The following HCAR3 variants were observed in gnomAD, a reference collection of about 807,000 sequenced individuals.
HCAR3 encodes the protein hydroxycarboxylic acid receptor 3, also known as G-protein coupled receptor 109B.
For missense variants in HCAR3, 404 were observed against 501.2 expected, an observed-to-expected ratio of 0.81 and a Z score of 1.85; for synonymous variants, 167 against 201.0, an observed-to-expected ratio of 0.83 and a Z score of 1.43.
rs770063396 is a variant in HCAR3 at position 122,716,505 on chromosome 12, A to T, written c.233T>A (p.Ile78Asn). 5 of 1,614,040 alleles carry T rather than the reference A, an allele frequency of 3.1e-6. No homozygotes were observed. The highest frequency in any genetic ancestry group is 1.1e-5 in the South Asian group (1 of 91,088). ...GTAGTCCATCACGAACGGCAGGCAG[A>T]TGATCAGTAGAAAGTCAGCTACTGC... The part of the protein sequence containing the change: ...NLAVADFLLI[I>N]CLPFVMDYYV... Residue 78 changes from isoleucine to asparagine, a missense_variant, in exon 1 of 1, where the codon ATC becomes AAC. By Grantham distance (149) the Ile-to-Asn change is moderately radical. Coordinates refer to ENST00000528880, the MANE Select transcript of HCAR3 (RefSeq NM_006018.3).
In HCAR3 at chr12:122,715,742, T is replaced by C; in HGVS notation, c.996A>G (p.Thr332=). ...DNNRSTSVEL[T]GDPNKTRGAP... ...CGCCTCTGGTTTTGTTGGGGTCCCC[T>C]GTGAGCTCGACGCTCGTGCTGCGGT... The change falls in exon 1 of 1, where the codon ACA becomes ACG. Residue 332 remains threonine (T), a synonymous_variant. Transcript: ENST00000528880. The C allele has an allele frequency of 6.2e-7, 1 of 1,610,670 alleles. No homozygotes were observed.
chr12:122,715,033 A>G lies in HCAR3; in HGVS notation c.*541T>C, dbSNP rs1877492794. The G allele has an allele frequency of 6.4e-6, 1 of 156,714 alleles. No individual in the cohort carries two copies. Among genetic ancestry groups the G allele is most frequent in the South Asian group, 1.8e-4 (1 of 5,432 alleles). 9.7% of individuals were successfully genotyped at this position (156,714 alleles called of 1,614,324 possible). ...TTCCCATAATAACACTGTTTAGCTCAGTCCCTTCTGGGGCTAATCCCCTAT... is the reference window on the plus strand; with the variant it reads ...TTCCCATAATAACACTGTTTAGCTCGGTCCCTTCTGGGGCTAATCCCCTAT... On this transcript the variant is annotated 3_prime_UTR_variant, in exon 1 of 1. Transcript: ENST00000528880.
In HCAR3 at chr12:122,716,386, G is replaced by A; in HGVS notation, c.352C>T (p.Leu118Phe). The A allele has an allele frequency of 6.2e-7, 1 of 1,614,108 alleles. No homozygotes were observed. The change falls in exon 1 of 1, where the codon CTC becomes TTC. Residue 118 changes from leucine (L) to phenylalanine (F), a missense_variant. Leu to Phe is a conservative substitution (Grantham distance 22, BLOSUM62 0). Transcript: ENST00000528880. ...TACCTGTCTACCGCCACCACCGTGAGGAATATGATGCTGCCCTGGCGGTTC... is the reference window on the plus strand; with the variant it reads ...TACCTGTCTACCGCCACCACCGTGAAGAATATGATGCTGCCCTGGCGGTTC... ...AMNRQGSIIFLTVVAVDRYFR... is the reference protein window; with the variant it reads ...AMNRQGSIIFFTVVAVDRYFR...
At position 122,716,474 on chromosome 12, in the gene HCAR3, C is replaced by T. The variant is rs1478118781; in HGVS notation, c.264G>A (p.Val88=). 2 of 1,614,082 alleles carry T rather than the reference C, an allele frequency of 1.2e-6. No individual in the cohort carries two copies. The highest frequency in any genetic ancestry group is 1.7e-6 in the Non-Finnish European group (2 of 1,180,016). ...CCCCAAACTTCCAGTCTGAACGCCG[C>T]ACATAGTAGTCCATCACGAACGGCA... ...ICLPFVMDYY[V]RRSDWKFGDI... is the part of the protein sequence containing the mutation. The change falls in exon 1 of 1, where the codon GTG becomes GTA. Residue 88 remains valine (V), a synonymous_variant. Transcript: ENST00000528880.
Position 122,715,918 on chromosome 12 carries a change from G to A in HCAR3, c.820C>T (p.Leu274=), listed in dbSNP as rs761418940. The A allele has an allele frequency of 6.6e-5, 104 of 1,570,032 alleles. No homozygotes were observed. Among genetic ancestry groups the A allele is most frequent in the Non-Finnish European group, 8.6e-5 (99 of 1,149,868 alleles). ...QNCEVYRSVD[L]AFFITLSFTY... Reference sequence around the variant, plus strand: ...AAGCTGAGAGTGATAAAGAACGCCAGGTCCACCGAGCGGTACACTTCACAA... The same window carrying A: ...AAGCTGAGAGTGATAAAGAACGCCAAGTCCACCGAGCGGTACACTTCACAA... Residue 274 remains leucine (L), a synonymous_variant, in exon 1 of 1, where the codon CTG becomes TTG. Coordinates refer to ENST00000528880, the MANE Select transcript of HCAR3 (RefSeq NM_006018.3).
chr12:122,716,672 T>G lies in HCAR3; in HGVS notation c.66A>C (p.Arg22=), dbSNP rs750386853. ...GCAACACCTTGGCAATGAAGTCATC[T>G]CGGAACACACAGCAGTTCTTCTTGT... The part of the protein sequence containing the change: ...EIDKKNCCVF[R]DDFIAKVLPP... The change falls in exon 1 of 1, where the codon CGA becomes CGC. Residue 22 remains arginine, a synonymous_variant. Coordinates refer to ENST00000528880, the MANE Select transcript of HCAR3 (RefSeq NM_006018.3). The G allele has an allele frequency of 6.8e-6, 11 of 1,613,956 alleles. No individual in the cohort carries two copies. The Admixed American group carries it at 1.8e-4, about 27-fold the overall frequency.
rs1286052527 is a variant in HCAR3 at position 122,715,905 on chromosome 12, A to G, written c.833T>C (p.Ile278Thr). Residue 278 changes from isoleucine (I) to threonine (T), a missense_variant, in exon 1 of 1, where the codon ATC becomes ACC. Physicochemically the swap from Ile to Thr is moderately conservative, Grantham distance 89 (BLOSUM62 -1). Transcript: ENST00000528880. ...VYRSVDLAFF[I>T]TLSFTYMNSM... is the part of the protein sequence containing the mutation. ...GTTCATGTAGGTGAAGCTGAGAGTG[A>G]TAAAGAACGCCAGGTCCACCGAGCG... 6.3e-7 allele frequency: 1 copy of G among 1,577,298 alleles called. No homozygotes were observed. Among genetic ancestry groups the G allele is most frequent in the Non-Finnish European group, 8.6e-7 (1 of 1,156,146 alleles).
In HCAR3 at chr12:122,715,676, G is replaced by A. The variant is rs371013820; in HGVS notation, c.1062C>T (p.Ser354=). The A allele has an allele frequency of 1.5e-5, 25 of 1,613,788 alleles. No homozygotes were observed. The highest frequency in any genetic ancestry group is 2.0e-5 in the Non-Finnish European group (24 of 1,179,992). ...TTGAGGTTGGGCCCAGATAAGAGGG[G>A]CTCCATGGCTCACCGGAGTTGGCGA... ...ALIANSGEPW[S]PSYLGPTSNN... Residue 354 remains serine (S), a synonymous_variant, in exon 1 of 1, where the codon AGC becomes AGT. Transcript: ENST00000528880.
rs1877559193 is a variant in HCAR3 at position 122,716,499 on chromosome 12, AG to A, written c.238del (p.Leu80CysfsTer4). ...AVADFLLIIC[L>X]PFVMDYYVRR... is the part of the protein sequence containing the mutation. ...CACATAGTAGTCCATCACGAACGGC[AG>A]GCAGATGATCAGTAGAAAGTCAGCT... On this transcript the variant is annotated frameshift_variant, in exon 1 of 1. Coordinates refer to ENST00000528880, the MANE Select transcript of HCAR3 (RefSeq NM_006018.3). LOFTEE classifies it low-confidence loss of function (END_TRUNC). 6.2e-7 allele frequency: 1 copy of A among 1,614,042 alleles called. No homozygotes were observed. The highest frequency in any genetic ancestry group is 1.7e-5 in the Admixed American group (1 of 59,994).
Position 122,715,517 on chromosome 12 carries a change from A to T in HCAR3, c.*57T>A. 6.6e-7 allele frequency: 1 copy of T among 1,517,360 alleles called. No homozygotes were observed. The highest frequency in any genetic ancestry group is 2.2e-5 in the East Asian group (1 of 44,488). 94.0% of individuals were successfully genotyped at this position (1,517,360 alleles called of 1,614,324 possible). On this transcript the variant is annotated 3_prime_UTR_variant, in exon 1 of 1. Transcript: ENST00000528880. ...CCCACTCATCTGCCACAGTTTCCCT[A>T]AATCAGATTCTCTGAATCTGGAAGT...
rs1366347345 is a variant in HCAR3 at position 122,716,718 on chromosome 12, T to G, written c.20A>C (p.Gln7Pro). MNRHHL[Q>P]DHFLEIDKKN... is the part of the protein sequence containing the mutation. ...CTTGTCTATTTCCAGAAAGTGATCC[T>G]GCAGATGGTGCCGATTCATGAGTGC... The change falls in exon 1 of 1, where the codon CAG becomes CCG. Residue 7 changes from glutamine (Q) to proline (P), a missense_variant. Coordinates refer to ENST00000528880, the MANE Select transcript of HCAR3 (RefSeq NM_006018.3). The G allele has an allele frequency of 6.2e-7, 1 of 1,613,900 alleles. No individual in the cohort carries two copies. Among genetic ancestry groups the G allele is most frequent in the Admixed American group, 1.7e-5 (1 of 60,002 alleles).
At position 122,715,337 on chromosome 12, in the gene HCAR3, A is replaced by G. The variant is rs1877504055; in HGVS notation, c.*237T>C. ...GTGGGAAGAAGGCCAACAAGTCACAAGTAGATCTCTGGCTCCAACTCTGCT... is the reference window on the plus strand; with the variant it reads ...GTGGGAAGAAGGCCAACAAGTCACAGGTAGATCTCTGGCTCCAACTCTGCT... On this transcript the variant is annotated 3_prime_UTR_variant, in exon 1 of 1. Transcript: ENST00000528880. 1 of 526,588 alleles carries G rather than the reference A, an allele frequency of 1.9e-6. No homozygotes were observed. The highest frequency in any genetic ancestry group is 2.3e-5 in the South Asian group (1 of 42,876). 32.6% of individuals were successfully genotyped at this position (526,588 alleles called of 1,614,324 possible).
chr12:122,715,552 T>C lies in HCAR3; in HGVS notation c.*22A>G, dbSNP rs579194. On this transcript the variant is annotated 3_prime_UTR_variant, in exon 1 of 1. Transcript: ENST00000528880. ...CTCTGAATCTGGAAGTTCCAGGAAA[T>C]CTTAGGCCGAGTCCAGTGACATTAC... The C allele has an allele frequency of 0.54, 833,578 of 1,533,372 alleles. 231,565 individuals are homozygous for C. The highest frequency in any genetic ancestry group is 0.57 in the Non-Finnish European group (647,783 of 1,137,484). The allele number at this position is 1,533,372 out of a possible 1,614,324, so 95.0% of individuals were successfully genotyped here. A position where few individuals can be genotyped will look rare whatever the true frequency, so the allele number is the denominator to read the frequency against.
rs369526144 is a variant in HCAR3 at position 122,714,920 on chromosome 12, G to C, written c.*654C>G. On this transcript the variant is annotated 3_prime_UTR_variant, in exon 1 of 1. Transcript: ENST00000528880. ...GGAAACAGCTTTCTATCCTGAAGCCGTTTTAACTGTTCAACCCTTAGATTA... is the reference window on the plus strand; with the variant it reads ...GGAAACAGCTTTCTATCCTGAAGCCCTTTTAACTGTTCAACCCTTAGATTA... 1 of 151,120 alleles carries C rather than the reference G, an allele frequency of 6.6e-6. No homozygotes were observed. The highest frequency in any genetic ancestry group is 2.4e-5 in the African/African-American group (1 of 40,892). 9.4% of individuals were successfully genotyped at this position (151,120 alleles called of 1,614,324 possible). A position where few individuals can be genotyped will look rare whatever the true frequency, so the allele number is the denominator to read the frequency against.
In HCAR3 at chr12:122,716,642, C is replaced by T. The variant is rs186655475; in HGVS notation, c.96G>A (p.Pro32=). 3.7e-4 allele frequency: 595 copies of T among 1,614,098 alleles called. 5 individuals carry two copies. In the African/African-American group the frequency reaches 6.7e-3, roughly 18 times the overall value. ...RDDFIAKVLP[P]VLGLEFIFGL... ...CAAAGATAAACTCCAGCCCCAACAC[C>T]GGCGGCAACACCTTGGCAATGAAGT... Residue 32 remains proline, a synonymous_variant, in exon 1 of 1, where the codon CCG becomes CCA. Transcript: ENST00000528880.
Position 122,716,435 on chromosome 12 carries a change from C to G in HCAR3, c.303G>C (p.Arg101=). 2 of 1,614,014 alleles carry G rather than the reference C, an allele frequency of 1.2e-6. No homozygotes were observed. Among genetic ancestry groups the G allele is most frequent in the Non-Finnish European group, 1.7e-6 (2 of 1,180,000 alleles). ...TCATGGCAAACATGAAGAGCACCAG[C>G]CGGCAAGGGATGTCCCCAAACTTCC... The part of the protein sequence containing the change: ...SDWKFGDIPC[R]LVLFMFAMNR... Residue 101 remains arginine, a synonymous_variant, in exon 1 of 1, where the codon CGG becomes CGC. Transcript: ENST00000528880.
In HCAR3 at chr12:122,716,264, T is replaced by G. The variant is rs374808951; in HGVS notation, c.474A>C (p.Leu158=). Residue 158 remains leucine (L), a synonymous_variant, in exon 1 of 1, where the codon CTA becomes CTC. Coordinates refer to ENST00000528880, the MANE Select transcript of HCAR3 (RefSeq NM_006018.3). ...SCLLWGITVG[L]TVHLLKKKLL... is the part of the protein sequence containing the mutation. ...ACTTCTTCTTCAGGAGGTGGACTGTTAGGCCAACAGTGATGCCCCACAGAA... is the reference window on the plus strand; with the variant it reads ...ACTTCTTCTTCAGGAGGTGGACTGTGAGGCCAACAGTGATGCCCCACAGAA... The G allele has an allele frequency of 9.3e-6, 15 of 1,613,242 alleles. No individual in the cohort carries two copies. Among genetic ancestry groups the G allele is most frequent in the African/African-American group, 1.3e-5 (1 of 74,904 alleles).
chr12:122,716,150 C>A lies in HCAR3; in HGVS notation c.588G>T (p.Glu196Asp), dbSNP rs1346482120. 1 of 1,614,024 alleles carries A rather than the reference C, an allele frequency of 6.2e-7. No homozygotes were observed. The highest frequency in any genetic ancestry group is 2.2e-5 in the East Asian group (1 of 44,878). ...FRWHEAMFLL[E>D]FFLPLGIILF... ...GGATGATGCCCAGGGGCAGGAAGAA[C>A]TCCAGGAGGAACATAGCTTCGTGCC... Residue 196 changes from glutamate to aspartate, a missense_variant, in exon 1 of 1, where the codon GAG (glutamate) becomes GAT (aspartate). Physicochemically the swap from Glu to Asp is conservative, Grantham distance 45. Coordinates refer to ENST00000528880, the MANE Select transcript of HCAR3 (RefSeq NM_006018.3).
Position 122,716,431 on chromosome 12 carries a change from C to T in HCAR3, c.307G>A (p.Val103Met), listed in dbSNP as rs924289673. The T allele has an allele frequency of 2.8e-5, 45 of 1,613,866 alleles. No homozygotes were observed. Among genetic ancestry groups the T allele is most frequent in the South Asian group, 5.5e-5 (5 of 91,066 alleles). ...WKFGDIPCRL[V>M]LFMFAMNRQG... ...CGGTTCATGGCAAACATGAAGAGCACCAGCCGGCAAGGGATGTCCCCAAAC... is the reference window on the plus strand; with the variant it reads ...CGGTTCATGGCAAACATGAAGAGCATCAGCCGGCAAGGGATGTCCCCAAAC... The change falls in exon 1 of 1, where the codon GTG becomes ATG. Residue 103 changes from valine (V) to methionine (M), a missense_variant. Transcript: ENST00000528880.
Sources: allele counts gnomAD v4.1 joint callset, GRCh38; gene constraint gnomAD v4.1.1; transcripts MANE v1.5; gene names NCBI Gene and HGNC (gene_info 2026-07-23, HGNC 2026-07-21).